The following GSN variants were observed in gnomAD, a reference collection of about 807,000 sequenced individuals.
The protein encoded by GSN is gelsolin, also known as actin-depolymerizing factor.
In GSN, 56 loss-of-function variants were observed where a neutral mutation model predicts 85.7. The observed-to-expected ratio is 0.65, with a 90% CI of 0.53 to 0.82. The LOEUF (loss-of-function observed/expected upper bound fraction) is 0.82, where lower values mean the gene tolerates loss of function less well. Ranked by LOEUF, GSN falls within the 40% of genes least tolerant of loss-of-function variation. The probability of loss-of-function intolerance (pLI) is 0.00; values close to 1 mark genes in which losing one functional copy is unlikely to be tolerated. For synonymous variants in GSN, 373 were observed against 399.1 expected (o/e 0.93, Z 0.78); for missense variants, 857 against 979.8 (o/e 0.87, Z 1.67).
chr9:121,312,560 A>T, intron 6 of GSN, 72 bp downstream of exon 6: 3 of 1,121,218 alleles, frequency 2.7e-6, no homozygotes, highest in Non-Finnish European at 2.4e-6. Context: ...TCAGTAGGCA[A>T]TTTGAGGTGA....
At position 121,317,083 on chromosome 9, in the gene GSN, C is replaced by T. The variant is rs1564541830; in HGVS notation, c.754-3C>T. 2 of 1,614,214 alleles carry T rather than the reference C, an allele frequency of 1.2e-6. No individual in the cohort carries two copies. The highest frequency in any genetic ancestry group is 4.5e-5 in the East Asian group (2 of 44,880). On this transcript the variant is annotated splice_polypyrimidine_tract_variant and splice_region_variant and intron_variant, in intron 7 of 17. Coordinates refer to ENST00000432226, the MANE Select transcript of GSN (RefSeq NM_198252.3). ...GCTGGTTCCTTCTGCTTCGTCCCCT[C>T]AGGTCTCCAATGGTGCAGGGACCAT...
chr9:121,247,644 G>A (rs2054727595), intron 5 of GSN, among the ~76,000 whole-genome samples: 1 of 152,148 alleles, frequency 6.6e-6, no homozygotes, highest in African/African-American at 2.4e-5. Flanking sequence ...CAATAGCTGT[G>A]GGTATTCTGT....
chr9:121,210,586 C>A (rs941615724), intron 3 of GSN, among the ~76,000 whole-genome samples: 1 of 152,170 alleles, frequency 6.6e-6, no homozygotes, highest in African/African-American at 2.4e-5. Flanking sequence ...AGTTTATCCT[C>A]TGTGAAATGG....
rs765799596 is a variant in GSN at position 121,329,088 on chromosome 9, G to T, written c.1887+73G>T. The T allele has an allele frequency of 6.3e-6, 10 of 1,588,668 alleles. No homozygotes were observed. The highest frequency in any genetic ancestry group is 1.1e-5 in the South Asian group (1 of 89,600). Reference sequence around the variant, plus strand: ...GTTCCACAGGACTGGCCGGCAGCAGGGGCAGGAGAAACAGTTCTGATGGTG... The same window carrying T: ...GTTCCACAGGACTGGCCGGCAGCAGTGGCAGGAGAAACAGTTCTGATGGTG... On this transcript the variant is annotated intron_variant, in intron 15 of 17. Coordinates refer to ENST00000432226, the MANE Select transcript of GSN (RefSeq NM_198252.3). The surrounding 1 kb of genome is among the most constrained non-coding windows in gnomAD (Gnocchi z 4.6).
chr9:121,239,720 T>A (rs2054566008), intron 5 of GSN: 1 of 307,182 alleles, frequency 3.3e-6, no homozygotes, highest in Non-Finnish European at 6.4e-6. Context: ...CAATGGGTTT[T>A]TCCCGATCCA....
At chr9:121,291,388 C>T (rs541968528) in intron 2 of GSN, among the ~76,000 whole-genome samples, 6 of 148,678 alleles carry the variant, frequency 4.0e-5, no homozygotes, top group Admixed American at 2.0e-4. Context: ...GGAGGGACAA[C>T]TATTCTCTGA....
At chr9:121,314,729 C>A (rs2061530321) in intron 7 of GSN, among the ~76,000 whole-genome samples, 1 of 152,000 alleles carries the variant, frequency 6.6e-6, no homozygotes, top group African/African-American at 2.4e-5. Flanking sequence ...TTTAAAAAAC[C>A]AGTATTACTT....
chr9:121,329,450 T>C lies in GSN; in HGVS notation c.1965+135T>C, dbSNP rs1157357134. ...TTGCCAGAAAAGTCTCTAAGGGTAC[T>C]GGAAGTCACTTCTTCTTTCTGAGCT... On this transcript the variant is annotated intron_variant, in intron 16 of 17. Coordinates refer to ENST00000432226, the MANE Select transcript of GSN (RefSeq NM_198252.3). The surrounding 1 kb of genome is among the most constrained non-coding windows in gnomAD (Gnocchi z 4.6). 2 of 700,200 alleles carry C rather than the reference T, an allele frequency of 2.9e-6. No homozygotes were observed. Among genetic ancestry groups the C allele is most frequent in the Admixed American group, 2.0e-5 (1 of 49,586 alleles). The allele number at this position is 700,200 out of a possible 1,614,324, so 43.4% of individuals were successfully genotyped here.
chr9:121,268,851 G>A (rs1444232325), intron 1 of GSN, among the ~76,000 whole-genome samples: 1 of 152,176 alleles, frequency 6.6e-6, no homozygotes, highest in Non-Finnish European at 1.5e-5. Flanking sequence ...CCTTCTCCCT[G>A]AGCCCCCATG....
At chr9:121,266,476 A>G (rs2055209466), upstream of GSN, among the ~76,000 whole-genome samples, 1 of 152,204 alleles carries the variant, frequency 6.6e-6, no homozygotes, top group Non-Finnish European at 1.5e-5. Flanking sequence ...GAGAAAGCAG[A>G]GAGTAGCAGA....
At chr9:121,322,561 A>G (rs1471270298) in intron 11 of GSN, among the ~76,000 whole-genome samples, 1 of 152,222 alleles carries the variant, frequency 6.6e-6, no homozygotes, top group Admixed American at 6.5e-5. Context: ...GTAAGTTCCC[A>G]GAAGTCAGAT....
At chr9:121,227,017 C>T (rs2054282631) in intron 4 of GSN, among the ~76,000 whole-genome samples, 2 of 152,204 alleles carry the variant, frequency 1.3e-5, no homozygotes, top group Admixed American at 1.3e-4. Context: ...GACAGAAGCT[C>T]CTGCAATCAG....
chr9:121,227,806 C>T (rs865854271), intron 4 of GSN, among the ~76,000 whole-genome samples: 3 of 152,008 alleles, frequency 2.0e-5, no homozygotes, highest in Admixed American at 6.6e-5. Flanking sequence ...CCTGGGGATA[C>T]CAAGCAAAGG....
At chr9:121,326,374 T>G (rs2063166632) in intron 12 of GSN, 138 bp from the exon 13 acceptor site, 1 of 745,538 alleles carries the variant, frequency 1.3e-6, no homozygotes, top group Admixed American at 2.0e-5. Flanking sequence ...TCCCTGCCTG[T>G]GTGTTGTCGG....
intron 4 of GSN, among the ~76,000 whole-genome samples, chr9:121,225,841 G>GCTGCCCAGGCTGGAGTGTGGTGGCA (rs1320963336): frequency 1.3e-5 from 2 of 152,146 alleles, no homozygotes; most frequent in Non-Finnish European, 2.9e-5. Flanking sequence ...GTCTCACTCT[G>GCTGCCCAGGCTGGAGTGTGGTGGCA]CTGCCCAGGC....
intron 2 of GSN, chr9:121,282,536 T>C (rs892755855): frequency 8.8e-6 from 11 of 1,252,410 alleles, no homozygotes; most frequent in Middle Eastern, 6.2e-4. Context: ...GCTGTTCCTC[T>C]TTCCCAAAGC....
chr9:121,306,944 G>T (rs1331709002), intron 4 of GSN, among the ~76,000 whole-genome samples: 2 of 152,206 alleles, frequency 1.3e-5, no homozygotes, highest in Non-Finnish European at 2.9e-5. Context: ...ACTTTGGGAG[G>T]CCGAGATGGG....
chr9:121,291,012 C>T lies in GSN; in HGVS notation c.-10+9450C>T, dbSNP rs559901545. Among the ~76,000 whole-genome samples, 49 of 151,590 alleles carry T rather than the reference C, an allele frequency of 3.2e-4. 2 individuals carry two copies. The South Asian group carries it at 4.2e-3, about 13-fold the overall frequency. On this transcript the variant is annotated intron_variant, in intron 2 of 17. Transcript: ENST00000432226. ...ATCTGCTACCTTGCACCCTCCATAT[C>T]CTCATTCGTGGATTCAACCAACCAC...
intron 6 of GSN, among the ~76,000 whole-genome samples, chr9:121,251,558 T>C (rs1354482333): frequency 6.6e-6 from 1 of 152,080 alleles, no homozygotes; most frequent in Non-Finnish European, 1.5e-5. Context: ...CTAAATTAAA[T>C]ATAAGAAATA....
Sources: gnomAD v4.1 joint callset for allele counts (sites outside exome capture counted in the v4.1 genomes callset) on GRCh38, gnomAD v4.1.1 for gene constraint, Gnocchi (gnomAD v3.1) non-coding constraint, MANE v1.5 for transcripts, NCBI Gene and HGNC (gene_info 2026-07-23, HGNC 2026-07-21) for gene names.